Variants in SDK2 observed in about 807,000 individuals in gnomAD.
SDK2 encodes sidekick cell adhesion molecule 2.
SDK2 carries 105 observed loss-of-function variants against 253.9 expected under a neutral mutation model. The ratio of observed to expected loss-of-function variants is 0.41; its 90% CI spans 0.35 to 0.49. The LOEUF (loss-of-function observed/expected upper bound fraction) is 0.49, where lower values mean the gene tolerates loss of function less well. SDK2 is among the 20% of genes least tolerant of loss of function. The pLI, the probability that SDK2 is intolerant of heterozygous loss-of-function variation, is 0.06. For synonymous variants in SDK2, 1,249 were observed against 1,234.9 expected, an observed-to-expected ratio of 1.01 and a Z score of -0.24; for missense variants, 2,608 against 3,003.0, an observed-to-expected ratio of 0.87 and a Z score of 3.07.
chr17:73,469,103 G>A (rs567740343), intron 3 of SDK2, among the ~76,000 whole-genome samples: 4 of 152,310 alleles, frequency 2.6e-5, no homozygotes, highest in African/African-American at 7.2e-5. Flanking sequence ...GATTACAGGC[G>A]TGAGCCACTG....
At position 73,394,314 on chromosome 17, in the gene SDK2, G is replaced by C; in HGVS notation, c.3603C>G (p.Ser1201=). Residue 1201 remains serine (S), a synonymous_variant, in exon 26 of 45, where the codon TCC becomes TCG. Transcript: ENST00000392650. ...CCAGTGCAGACACATTGGTGGGGCC[G>C]GAAGAGGGAACTGTGGGGGAAAGGG... ...VGRTRESVPS[S]GPTNVSALAT... 1 of 1,580,088 alleles carries C rather than the reference G, an allele frequency of 6.3e-7. No homozygotes were observed. The highest frequency in any genetic ancestry group is 8.6e-7 in the Non-Finnish European group (1 of 1,159,524).
chr17:73,398,016 GC>G lies in SDK2; in HGVS notation c.3354+18del. ...AAGCTCATGGAGAGGTCCCACCCCT[GC>G]CCTCGAGGGAGCCTTACCATCCAGC... On this transcript the variant is annotated intron_variant, in intron 24 of 44. Transcript: ENST00000392650. 6.2e-7 allele frequency: 1 copy of G among 1,606,990 alleles called. No individual in the cohort carries two copies.
chr17:73,432,726 G>T (rs200959640), intron 10 of SDK2, among the ~76,000 whole-genome samples: 4 of 152,160 alleles, frequency 2.6e-5, no homozygotes, highest in East Asian at 3.9e-4. Flanking sequence ...AGGCACCTCT[G>T]AGCTGGGGCT....
chr17:73,615,982 C>G (rs912445721), intron 1 of SDK2, among the ~76,000 whole-genome samples: 3 of 152,078 alleles, frequency 2.0e-5, no homozygotes, highest in Non-Finnish European at 2.9e-5. Flanking sequence ...GAACACACAA[C>G]CCAAATACAC....
chr17:73,457,241 T>C lies in SDK2; in HGVS notation c.332-1188A>G, dbSNP rs143510116. On this transcript the variant is annotated intron_variant, in intron 3 of 44. Transcript: ENST00000392650. ...CTTTTCTCTTCCTTCCTTCCTTCCT[T>C]CCTTCCTTCCTTCCTTCCTTCCTTC... 3.9e-3 allele frequency among the ~76,000 whole-genome samples: 207 copies of C among 53,126 alleles called. 2 individuals are homozygous for C. Among genetic ancestry groups the C allele is most frequent in the African/African-American group, 0.021 (203 of 9,866 alleles). The allele number at this position is 53,126 out of a possible 152,430, so 34.9% of individuals were successfully genotyped here. A position where few individuals can be genotyped will look rare whatever the true frequency, so the allele number is the denominator to read the frequency against.
intron 3 of SDK2, among the ~76,000 whole-genome samples, chr17:73,460,907 A>G (rs2063558578): frequency 6.6e-6 from 1 of 152,246 alleles, no homozygotes; most frequent in Non-Finnish European, 1.5e-5. Flanking sequence ...AAGCAATTTT[A>G]TGGTAATAGT....
At chr17:73,409,206 T>C (rs1359444352) in intron 18 of SDK2, among the ~76,000 whole-genome samples, 1 of 151,984 alleles carries the variant, frequency 6.6e-6, no homozygotes, top group East Asian at 1.9e-4. Context: ...GGCAGCCGGG[T>C]GTGGTGGCTC....
At chr17:73,353,700 ATTTT>A (rs11370066) in intron 40 of SDK2, among the ~76,000 whole-genome samples, 2 of 97,214 alleles carry the variant, frequency 2.1e-5, no homozygotes, top group Non-Finnish European at 3.8e-5. Context: ...TGCCTGGCCA[ATTTT>A]TTTTTTTTTT....
At chr17:73,343,913 G>A (rs886614335) in intron 44 of SDK2, among the ~76,000 whole-genome samples, 1 of 152,164 alleles carries the variant, frequency 6.6e-6, no homozygotes, top group Admixed American at 6.5e-5. Context: ...GTGAAACTCC[G>A]TGGGAGACTG....
At chr17:73,602,159 G>T (rs761834156) in intron 1 of SDK2, among the ~76,000 whole-genome samples, 2 of 152,202 alleles carry the variant, frequency 1.3e-5, no homozygotes, top group Non-Finnish European at 2.9e-5. Context: ...CCAGAAGTTG[G>T]AGTGCTTCAC....
At chr17:73,344,457 A>T (rs1239551232) in intron 44 of SDK2, among the ~76,000 whole-genome samples, 1 of 152,152 alleles carries the variant, frequency 6.6e-6, no homozygotes. Flanking sequence ...ATGACCCTCC[A>T]AGCAAGCTGG....
At chr17:73,530,326 G>A (rs1299053832) in intron 1 of SDK2, among the ~76,000 whole-genome samples, 1 of 152,182 alleles carries the variant, frequency 6.6e-6, no homozygotes, top group Non-Finnish European at 1.5e-5. Context: ...CGTCTTACAT[G>A]GTAGCAGGAG....
intron 1 of SDK2, among the ~76,000 whole-genome samples, chr17:73,586,473 C>A (rs2145890868): frequency 6.6e-6 from 1 of 152,250 alleles, no homozygotes; most frequent in South Asian, 2.1e-4. Flanking sequence ...AGTGTACTCG[C>A]CATAAATTAA....
At chr17:73,558,479 G>A (rs796920247) in intron 1 of SDK2, among the ~76,000 whole-genome samples, 11 of 151,234 alleles carry the variant, frequency 7.3e-5, no homozygotes, top group African/African-American at 2.7e-4. Flanking sequence ...AAGGGAGGAA[G>A]GGAGGGAGGA....
At chr17:73,588,679 G>GA (rs955662497) in intron 1 of SDK2, among the ~76,000 whole-genome samples, 44 of 151,584 alleles carry the variant, frequency 2.9e-4, no homozygotes, top group African/African-American at 9.8e-4. Flanking sequence ...CAGTGCTCAG[G>GA]ACAGCCTCCT....
chr17:73,393,489 C>T, intron 27 of SDK2, 71 bp downstream of exon 27: 1 of 1,400,292 alleles, frequency 7.1e-7, no homozygotes, highest in Non-Finnish European at 9.5e-7. Context: ...CCCAGAAGGG[C>T]AAGGCCAGAT....
At position 73,419,358 on chromosome 17, in the gene SDK2, G is replaced by A. The variant is rs1287390125; in HGVS notation, c.2046-52C>T. The stretch of plus-strand genomic sequence containing the variant: ...AGTCTTGGGGTCAAACACAGGAGTT[G>A]AATGGGATATGAGAAGGCTGAACCC... On this transcript the variant is annotated intron_variant, in intron 15 of 44. Coordinates refer to ENST00000392650, the MANE Select transcript of SDK2 (RefSeq NM_001144952.2). 2.5e-6 allele frequency: 4 copies of A among 1,585,536 alleles called. No homozygotes were observed. In the Admixed American group the frequency reaches 6.9e-5, roughly 27 times the overall value.
At chr17:73,373,336 T>C (rs1225341945) in intron 36 of SDK2, among the ~76,000 whole-genome samples, 1 of 152,266 alleles carries the variant, frequency 6.6e-6, no homozygotes, top group Non-Finnish European at 1.5e-5. Context: ...GGCCTGCAGA[T>C]AGCTCTTCAA....
chr17:73,506,532 C>G (rs571187631), intron 2 of SDK2, among the ~76,000 whole-genome samples: 5 of 152,332 alleles, frequency 3.3e-5, no homozygotes, highest in Non-Finnish European at 7.3e-5. Context: ...AAGGACAGAT[C>G]AAGCAATGAT....
Sources: gnomAD v4.1 joint callset for allele counts (sites outside exome capture counted in the v4.1 genomes callset) on GRCh38, gnomAD v4.1.1 for gene constraint, MANE v1.5 for transcripts, NCBI Gene and HGNC (gene_info 2026-07-23, HGNC 2026-07-21) for gene names.